Variants in SBNO1 observed in about 807,000 individuals in gnomAD.
The protein encoded by SBNO1 is strawberry notch homolog 1.
SBNO1 carries 23 observed loss-of-function variants against 173.6 expected under a neutral mutation model. That is an observed-to-expected ratio of 0.13 (90% CI 0.10 to 0.19). The LOEUF is 0.19. SBNO1 is among the 10% of genes least tolerant of loss of function. The pLI is 1.00. For synonymous variants in SBNO1, 632 were observed against 571.5 expected (o/e 1.11, Z -1.51); for missense variants, 1,238 against 1,671.2 (o/e 0.74, Z 4.52).
chr12:123,339,970 G>A (rs776380885), intron 5 of SBNO1, among the ~76,000 whole-genome samples: 9 of 151,788 alleles, frequency 5.9e-5, no homozygotes, highest in African/African-American at 1.7e-4. Context: ...TCAAAGTCTC[G>A]TCATACTCAA....
intron 15 of SBNO1, among the ~76,000 whole-genome samples, chr12:123,325,081 G>A (rs199760679): frequency 6.6e-6 from 1 of 152,176 alleles, no homozygotes; most frequent in African/African-American, 2.4e-5. Context: ...AAAGTGCTGA[G>A]ATTACAGCTG....
At chr12:123,328,945 G>T in intron 9 of SBNO1, 50 bp from the exon 10 acceptor site, 1 of 1,132,086 alleles carries the variant, frequency 8.8e-7, no homozygotes, top group South Asian at 1.6e-5. Flanking sequence ...CTTTCTCTCT[G>T]CAACATTCAT....
chr12:123,317,065 C>T (rs1869374589), intron 21 of SBNO1, among the ~76,000 whole-genome samples, 156 bp downstream of exon 21: 1 of 152,134 alleles, frequency 6.6e-6, no homozygotes, highest in African/African-American at 2.4e-5. Flanking sequence ...CTCAAACTCC[C>T]GGACTCAAGT....
chr12:123,339,920 G>A (rs1872325543), intron 5 of SBNO1, among the ~76,000 whole-genome samples: 1 of 152,028 alleles, frequency 6.6e-6, no homozygotes. Flanking sequence ...CCTCCCCTCT[G>A]TGCCCATTAA....
chr12:123,350,184 G>GTTGA, intron 2 of SBNO1, 126 bp downstream of exon 2: 2 of 1,079,756 alleles, frequency 1.9e-6, no homozygotes, highest in Non-Finnish European at 2.7e-6. Context: ...AGCCTGGGAG[G>GTTGA]TTGAGGCTTC....
intron 7 of SBNO1, among the ~76,000 whole-genome samples, chr12:123,331,855 CT>C (rs1341999351): frequency 6.6e-6 from 1 of 150,934 alleles, no homozygotes; most frequent in Admixed American, 6.6e-5. Context: ...TGGATACTTT[CT>C]TTTTTTTCTT....
intron 1 of SBNO1, among the ~76,000 whole-genome samples, chr12:123,361,509 T>C (rs886671791): frequency 1.2e-4 from 17 of 142,346 alleles, no homozygotes; most frequent in Admixed American, 7.6e-4. Flanking sequence ...GATCGCGCCA[T>C]TGCACTCCAG....
chr12:123,336,746 T>C (rs375376218), intron 5 of SBNO1, among the ~76,000 whole-genome samples: 2 of 152,186 alleles, frequency 1.3e-5, no homozygotes, highest in African/African-American at 4.8e-5. Flanking sequence ...CCGGCCACCA[T>C]CGTGTCAAGC....
At chr12:123,363,028 G>A (rs759819058) in intron 1 of SBNO1, among the ~76,000 whole-genome samples, 1 of 152,122 alleles carries the variant, frequency 6.6e-6, no homozygotes, top group African/African-American at 2.4e-5. Context: ...TCAAGCTGCA[G>A]TGAGCTATGA....
At position 123,364,778 on chromosome 12, in the gene SBNO1, A is replaced by AGGCGGCGGT. The variant is rs1044760354; in HGVS notation, c.-87_-79dup. 1.2e-5 allele frequency: 12 copies of AGGCGGCGGT among 987,824 alleles called. No individual in the cohort carries two copies. Among genetic ancestry groups the AGGCGGCGGT allele is most frequent in the African/African-American group, 1.8e-5 (1 of 57,006 alleles). 61.2% of individuals were successfully genotyped at this position (987,824 alleles called of 1,614,324 possible). A position where few individuals can be genotyped will look rare whatever the true frequency, so the allele number is the denominator to read the frequency against. Reference sequence around the variant, plus strand: ...GAAGGACCAGAGGCGACTGGAGCGGAGGCGGCGGTGGCGGCGGCAGCAGCG... The same window carrying AGGCGGCGGT: ...GAAGGACCAGAGGCGACTGGAGCGGAGGCGGCGGTGGCGGCGGTGGCGGCGGCAGCAGCG... On this transcript the variant is annotated 5_prime_UTR_variant, in exon 1 of 32. Transcript: ENST00000602398.
intron 1 of SBNO1, among the ~76,000 whole-genome samples, chr12:123,352,943 G>A (rs868052076): frequency 2.0e-5 from 3 of 152,036 alleles, no homozygotes; most frequent in East Asian, 1.9e-4. Flanking sequence ...GACTACAGCC[G>A]CCCGCCACCA....
In SBNO1 at chr12:123,292,747, G is replaced by T. The variant is rs2048530543; in HGVS notation, c.*3161C>A. 6.6e-6 allele frequency: 1 copy of T among 152,174 alleles called. No individual in the cohort carries two copies. The highest frequency in any genetic ancestry group is 2.1e-4 in the South Asian group (1 of 4,828). The allele number at this position is 152,174 out of a possible 1,614,324, so 9.4% of individuals were successfully genotyped here. A position where few individuals can be genotyped will look rare whatever the true frequency, so the allele number is the denominator to read the frequency against. On this transcript the variant is annotated 3_prime_UTR_variant, in exon 32 of 32. Transcript: ENST00000602398. ...ACACACTACATTGCTTTGGATGCAG[G>T]TTCTTACTAATTTATATACACATGT...
In SBNO1 at chr12:123,325,676, A is replaced by C. The variant is rs889199235; in HGVS notation, c.1876-77T>G. 1.2e-4 allele frequency: 111 copies of C among 938,476 alleles called. No individual in the cohort carries two copies. The African/African-American group carries it at 1.6e-3, about 14-fold the overall frequency. 58.1% of individuals were successfully genotyped at this position (938,476 alleles called of 1,614,324 possible). On this transcript the variant is annotated intron_variant, in intron 14 of 31. Transcript: ENST00000602398. ...TTACCAAGACATATTTTAAACATTT[A>C]GCTAAACAAAGATTTCAAACAAGAA...
intron 5 of SBNO1, among the ~76,000 whole-genome samples, chr12:123,337,922 T>C (rs190313497): frequency 1.1e-4 from 16 of 152,264 alleles, no homozygotes; most frequent in African/African-American, 3.9e-4. Context: ...TGATGATAAT[T>C]GAATAACTGA....
intron 1 of SBNO1, among the ~76,000 whole-genome samples, chr12:123,355,488 C>T (rs950313185): frequency 9.9e-5 from 15 of 152,098 alleles, no homozygotes; most frequent in Admixed American, 6.6e-4. Flanking sequence ...CCTGTAATCC[C>T]AGCTTCTCAG....
At chr12:123,313,513 A>C (rs1464307597) in intron 24 of SBNO1, 107 bp downstream of exon 24, 1 of 618,672 alleles carries the variant, frequency 1.6e-6, no homozygotes, top group Non-Finnish European at 2.8e-6. Context: ...GTTTTATACA[A>C]TTTATGTCCA....
intron 24 of SBNO1, among the ~76,000 whole-genome samples, chr12:123,311,970 G>A (rs1868625276): frequency 1.3e-5 from 2 of 148,392 alleles, no homozygotes; most frequent in South Asian, 4.3e-4. Flanking sequence ...GATCTCCTGA[G>A]CTTAAATGAT....
chr12:123,296,556 T>TG (rs930880528), intron 31 of SBNO1, among the ~76,000 whole-genome samples: 13 of 38,952 alleles, frequency 3.3e-4, no homozygotes, highest in Non-Finnish European at 1.8e-3. Context: ...TATATATGTG[T>TG]TTTTTTTTTT....
At chr12:123,332,577 G>GT (rs111661687) in intron 7 of SBNO1, among the ~76,000 whole-genome samples, 140 of 150,534 alleles carry the variant, frequency 9.3e-4, no homozygotes, top group Non-Finnish European at 1.2e-3. Context: ...TGGTTTTTTA[G>GT]TTTTTTTCAG....
Sources: allele counts gnomAD v4.1 joint callset (sites outside exome capture counted in the v4.1 genomes callset), GRCh38; gene constraint gnomAD v4.1.1; transcripts MANE v1.5; gene names NCBI Gene and HGNC (gene_info 2026-07-23, HGNC 2026-07-21).